The following TTC28 variants were observed in gnomAD, a reference collection of about 807,000 sequenced individuals.
TTC28 encodes the protein tetratricopeptide repeat protein 28.
TTC28 carries 61 observed loss-of-function variants against 198.0 expected under a neutral mutation model. That is an observed-to-expected ratio of 0.31 (90% CI 0.25 to 0.38). The LOEUF (loss-of-function observed/expected upper bound fraction) is 0.38, where lower values mean the gene tolerates loss of function less well. Among genes scored for constraint, TTC28 ranks in the 10% least tolerant of loss-of-function variants. The pLI is 1.00. For synonymous variants in TTC28, 1,171 were observed against 1,297.8 expected (o/e 0.90, Z 2.10); for missense variants, 2,678 against 3,164.0 (o/e 0.85, Z 3.69).
intron 2 of TTC28, among the ~76,000 whole-genome samples, chr22:28,577,557 A>C (rs2050169883): frequency 6.6e-6 from 1 of 152,124 alleles, no homozygotes; most frequent in Non-Finnish European, 1.5e-5. Flanking sequence ...CAATGCTGAA[A>C]GTGAGGTGAT....
chr22:28,003,537 C>T (rs1219220495), intron 14 of TTC28, among the ~76,000 whole-genome samples: 1 of 152,144 alleles, frequency 6.6e-6, no homozygotes, highest in Non-Finnish European at 1.5e-5. Flanking sequence ...CTGCCTAAGC[C>T]CAAACCACAG....
At chr22:28,210,635 T>A (rs938706269) in intron 5 of TTC28, among the ~76,000 whole-genome samples, 1 of 152,072 alleles carries the variant, frequency 6.6e-6, no homozygotes, top group Non-Finnish European at 1.5e-5. Flanking sequence ...AATATGGGAC[T>A]ATGAGAAAAG....
intron 2 of TTC28, among the ~76,000 whole-genome samples, chr22:28,460,580 A>G (rs1250875746): frequency 6.6e-6 from 1 of 152,034 alleles, no homozygotes; most frequent in Middle Eastern, 3.2e-3. Flanking sequence ...ATGTACATAC[A>G]TATAATAGAT....
intron 19 of TTC28, chr22:27,992,351 C>T (rs576362570): frequency 1.1e-4 from 60 of 556,950 alleles, no homozygotes; most frequent in East Asian, 8.8e-4. Flanking sequence ...CCCATCATGC[C>T]GGTAAGGGGC....
chr22:28,505,277 A>AT (rs2048595394), intron 2 of TTC28, among the ~76,000 whole-genome samples: 1 of 151,562 alleles, frequency 6.6e-6, no homozygotes, highest in African/African-American at 2.4e-5. Flanking sequence ...AAAAAAAAAA[A>AT]AGTTTAAAAC....
intron 8 of TTC28, among the ~76,000 whole-genome samples, chr22:28,103,200 A>T (rs758029527): frequency 2.6e-4 from 40 of 152,124 alleles, no homozygotes; most frequent in Non-Finnish European, 5.1e-4. Flanking sequence ...TAGGAACCTG[A>T]CTCACCCATC....
At chr22:28,302,906 G>A (rs944918448) in intron 3 of TTC28, among the ~76,000 whole-genome samples, 1 of 152,116 alleles carries the variant, frequency 6.6e-6, no homozygotes, top group African/African-American at 2.4e-5. Context: ...CAGAGGGAAT[G>A]AGCCCACTTA....
chr22:28,382,498 T>C (rs2046511508), intron 2 of TTC28, among the ~76,000 whole-genome samples: 1 of 152,200 alleles, frequency 6.6e-6, no homozygotes, highest in African/African-American at 2.4e-5. Flanking sequence ...GGCAGCATTA[T>C]CCATGGACTT....
At chr22:28,636,126 G>GTTTTT (rs1569075168) in intron 1 of TTC28, among the ~76,000 whole-genome samples, 2 of 47,068 alleles carry the variant, frequency 4.2e-5, no homozygotes, top group Admixed American at 5.7e-4. Context: ...CAAATGTCAG[G>GTTTTT]ATTTTTTTTT....
chr22:28,246,414 C>G (rs1306706930), intron 5 of TTC28, among the ~76,000 whole-genome samples: 2 of 152,126 alleles, frequency 1.3e-5, no homozygotes, highest in African/African-American at 2.4e-5. Flanking sequence ...TAGATGGACT[C>G]TAAGGCTTTT....
rs2045149905 is a variant in TTC28, at chr22:28,306,575, T to C, written c.450A>G (p.Ala150=). 1.3e-6 allele frequency: 2 copies of C among 1,551,578 alleles called. No individual in the cohort carries two copies. The highest frequency in any genetic ancestry group is 2.0e-5 in the Admixed American group (1 of 50,972). Residue 150 remains alanine (A), a synonymous_variant, in exon 3 of 23, where the codon GCA becomes GCG. Transcript: ENST00000397906. Reference sequence around the variant, plus strand: ...TCTTGGGGTCTTGAGCCAGTCCAGATGCAAAGGCTGCCAGGGCATCGGCAT... The same window carrying C: ...TCTTGGGGTCTTGAGCCAGTCCAGACGCAAAGGCTGCCAGGGCATCGGCAT... The part of the protein sequence containing the change: ...GRHADALAAF[A]SGLAQDPKSL...
intron 5 of TTC28, among the ~76,000 whole-genome samples, chr22:28,173,370 T>A (rs1922867162): frequency 6.6e-6 from 1 of 152,222 alleles, no homozygotes; most frequent in African/African-American, 2.4e-5. Flanking sequence ...CTAAGGTTCA[T>A]GCTGCCTTTG....
At chr22:28,552,738 T>C (rs953861485) in intron 2 of TTC28, among the ~76,000 whole-genome samples, 6 of 150,340 alleles carry the variant, frequency 4.0e-5, no homozygotes, top group African/African-American at 1.5e-4. Context: ...TCAAGATGGA[T>C]CAAAGCCTCT....
chr22:28,324,934 TC>T (rs1601630375), intron 2 of TTC28, among the ~76,000 whole-genome samples: 1 of 152,096 alleles, frequency 6.6e-6, no homozygotes, highest in East Asian at 1.9e-4. Flanking sequence ...GGTCTAAAAT[TC>T]TCTTTTTTTG....
At chr22:28,660,918 T>A (rs116717969) in intron 1 of TTC28, among the ~76,000 whole-genome samples, 115 of 151,564 alleles carry the variant, frequency 7.6e-4, no homozygotes, top group Non-Finnish European at 1.4e-3. Flanking sequence ...AAAAAAAAAA[T>A]TTTAAATATA....
chr22:28,075,413 G>A (rs986521047), intron 12 of TTC28, among the ~76,000 whole-genome samples: 1 of 151,990 alleles, frequency 6.6e-6, no homozygotes, highest in African/African-American at 2.4e-5. Flanking sequence ...ATACAGCTGA[G>A]CCTGAGTGAG....
chr22:27,985,486 G>C, intron 21 of TTC28, 130 bp from the exon 22 acceptor site: 1 of 697,054 alleles, frequency 1.4e-6, no homozygotes, highest in Non-Finnish European at 2.4e-6. Flanking sequence ...ATTTGGGCCT[G>C]GGGCTTCCCC....
At chr22:28,123,347 C>T (rs1942837187) in intron 6 of TTC28, among the ~76,000 whole-genome samples, 1 of 152,138 alleles carries the variant, frequency 6.6e-6, no homozygotes, top group African/African-American at 2.4e-5. Flanking sequence ...CCTCCGCCTC[C>T]CGGGTTCAAG....
intron 13 of TTC28, among the ~76,000 whole-genome samples, chr22:28,020,781 A>ACACACACACACACACACACACG (rs1938561199): frequency 6.7e-6 from 1 of 148,152 alleles, no homozygotes; most frequent in African/African-American, 2.5e-5. Context: ...CTCCCCCAAC[A>ACACACACACACACACACACACG]CACACACACA....
Sources: gnomAD v4.1 joint callset for allele counts (sites outside exome capture counted in the v4.1 genomes callset) on GRCh38, gnomAD v4.1.1 for gene constraint, MANE v1.5 for transcripts, NCBI Gene and HGNC (gene_info 2026-07-23, HGNC 2026-07-21) for gene names.